The following FSTL1 variants were observed in gnomAD, a reference collection of about 807,000 sequenced individuals.
The protein encoded by FSTL1 is follistatin-related protein 1.
FSTL1 carries 24 observed loss-of-function variants against 45.9 expected under a neutral mutation model. The ratio of observed to expected loss-of-function variants is 0.52; its 90% CI spans 0.38 to 0.74. The LOEUF is 0.74. Among genes scored for constraint, FSTL1 ranks in the 30% least tolerant of loss-of-function variants. The probability of loss-of-function intolerance (pLI) is 0.00; values close to 1 mark genes in which losing one functional copy is unlikely to be tolerated. For missense variants in FSTL1, 340 were observed against 381.8 expected, an observed-to-expected ratio of 0.89 and a Z score of 0.91; for synonymous variants, 120 against 137.6, an observed-to-expected ratio of 0.87 and a Z score of 0.89.
chr3:120,441,948 G>A (rs879596076), intron 2 of FSTL1, among the ~76,000 whole-genome samples: 8 of 152,222 alleles, frequency 5.3e-5, no homozygotes, highest in Non-Finnish European at 1.0e-4. Flanking sequence ...TTCCAGGTCT[G>A]AGCGCTAAGC....
rs979753901 is a variant in FSTL1, at chr3:120,395,303, T to C, written c.*1649A>G. ...AGGATTTAATCTTTGGTATTCCAAA[T>C]GCATCTGAAACAGGGTAGTGAGTGG... On this transcript the variant is annotated 3_prime_UTR_variant, in exon 11 of 11. Coordinates refer to ENST00000295633, the MANE Select transcript of FSTL1 (RefSeq NM_007085.5). The C allele has an allele frequency of 2.4e-5, 5 of 204,450 alleles. No homozygotes were observed. Among genetic ancestry groups the C allele is most frequent in the Non-Finnish European group, 4.9e-5 (5 of 102,622 alleles). The allele number at this position is 204,450 out of a possible 1,614,324, so 12.7% of individuals were successfully genotyped here. A position where few individuals can be genotyped will look rare whatever the true frequency, so the allele number is the denominator to read the frequency against.
chr3:120,404,644 CA>C (rs1352874934), intron 7 of FSTL1, among the ~76,000 whole-genome samples: 1 of 152,148 alleles, frequency 6.6e-6, no homozygotes, highest in Non-Finnish European at 1.5e-5. Context: ...AAGTTCTGAC[CA>C]AAAACAATAA....
chr3:120,422,224 T>C (rs1937290216), intron 2 of FSTL1, among the ~76,000 whole-genome samples: 1 of 152,218 alleles, frequency 6.6e-6, no homozygotes, highest in Admixed American at 6.5e-5. Flanking sequence ...AAGTTTCGGT[T>C]ATGCAAGATG....
chr3:120,403,162 G>A, intron 8 of FSTL1, 80 bp downstream of exon 8: 1 of 853,736 alleles, frequency 1.2e-6, no homozygotes, highest in Non-Finnish European at 2.0e-6. Context: ...GCTCTGGAGA[G>A]TTCCACCAAT....
intron 2 of FSTL1, among the ~76,000 whole-genome samples, chr3:120,445,437 G>A (rs1311613113): frequency 6.7e-6 from 1 of 148,926 alleles, no homozygotes; most frequent in Non-Finnish European, 1.5e-5. Flanking sequence ...CCATCTTTGG[G>A]CAGAGAGTCA....
rs148864515 is a variant in FSTL1, at chr3:120,429,415, A to G, written c.64-13388T>C. Among the ~76,000 whole-genome samples, 1,456 of 152,362 alleles carry G rather than the reference A, an allele frequency of 9.6e-3. 26 individuals are homozygous for G. Among genetic ancestry groups the G allele is most frequent in the African/African-American group, 0.033 (1,359 of 41,584 alleles). ...CCAAATGGGGACATTTGAGAGTTAA[A>G]GGAAACCTTTTAAACAGACACACTT... On this transcript the variant is annotated intron_variant, in intron 2 of 10. Coordinates refer to ENST00000295633, the MANE Select transcript of FSTL1 (RefSeq NM_007085.5).
At chr3:120,399,381 T>C (rs551252234) in intron 10 of FSTL1, among the ~76,000 whole-genome samples, 1 of 152,364 alleles carries the variant, frequency 6.6e-6, no homozygotes, top group East Asian at 1.9e-4. Flanking sequence ...GGCTATTTTC[T>C]AGCCAGACTG....
intron 2 of FSTL1, among the ~76,000 whole-genome samples, chr3:120,449,026 A>T (rs911714799): frequency 1.3e-5 from 2 of 152,200 alleles, no homozygotes; most frequent in Admixed American, 6.5e-5. Context: ...GGGCCACAGC[A>T]GGGGATGGAG....
chr3:120,407,936 G>C (rs1036742482), intron 6 of FSTL1, among the ~76,000 whole-genome samples: 1 of 152,196 alleles, frequency 6.6e-6, no homozygotes, highest in Non-Finnish European at 1.5e-5. Flanking sequence ...GTGTTGAGGG[G>C]AATGTGGCAT....
intron 9 of FSTL1, among the ~76,000 whole-genome samples, chr3:120,401,010 T>C (rs1576206418): frequency 1.3e-5 from 2 of 152,344 alleles, no homozygotes; most frequent in African/African-American, 4.8e-5. Context: ...ATGCATGTGA[T>C]AGAGATTATT....
At chr3:120,416,603 T>C (rs765074349) in intron 2 of FSTL1, among the ~76,000 whole-genome samples, 2 of 152,190 alleles carry the variant, frequency 1.3e-5, no homozygotes, top group Non-Finnish European at 2.9e-5. Context: ...ACTATGACTA[T>C]CTGAAGGACC....
intron 2 of FSTL1, among the ~76,000 whole-genome samples, chr3:120,427,050 T>C (rs1352572939): frequency 1.3e-5 from 2 of 152,188 alleles, no homozygotes; most frequent in African/African-American, 2.4e-5. Flanking sequence ...AATGTCAGCA[T>C]GATGAGGAAT....
chr3:120,409,576 A>G lies in FSTL1; in HGVS notation c.418T>C (p.Ser140Pro). ...EAEIIPDGWFSKGSNYSEILD... is the reference protein window; with the variant it reads ...EAEIIPDGWFPKGSNYSEILD... The stretch of plus-strand genomic sequence containing the variant: ...ATTTCACTGTAGTTGCTGCCTTTAG[A>G]GAACCAGCCATCTGGAATGATCTCA... Residue 140 changes from serine (S) to proline (P), a missense_variant, in exon 6 of 11, where the codon TCT becomes CCT. Coordinates refer to ENST00000295633, the MANE Select transcript of FSTL1 (RefSeq NM_007085.5). The G allele has an allele frequency of 6.2e-7, 1 of 1,613,988 alleles. No homozygotes were observed.
intron 2 of FSTL1, among the ~76,000 whole-genome samples, chr3:120,445,124 C>T (rs1387900150): frequency 6.7e-6 from 1 of 149,644 alleles, no homozygotes; most frequent in Non-Finnish European, 1.5e-5. Context: ...GAATATCTAT[C>T]CATCCACAAA....
chr3:120,398,678 G>A (rs1284846858), intron 10 of FSTL1, among the ~76,000 whole-genome samples: 3 of 152,128 alleles, frequency 2.0e-5, no homozygotes, highest in African/African-American at 7.2e-5. Flanking sequence ...GTGTTTCCTG[G>A]CATTGCTTCC....
Position 120,393,645 on chromosome 3 carries a change from TTAATTTAATG to T in FSTL1, c.*3297_*3306del, listed in dbSNP as rs1192419513. 1 of 152,182 alleles carries T rather than the reference TTAATTTAATG, an allele frequency of 6.6e-6. No homozygotes were observed. Among genetic ancestry groups the T allele is most frequent in the Non-Finnish European group, 1.5e-5 (1 of 68,032 alleles). The allele number at this position is 152,182 out of a possible 1,614,324, so 9.4% of individuals were successfully genotyped here. ...ATCATATGGGGGATTTACGAGTCATTTAATTTAATGTCTTCCCAATACAGGAATGCACCTG... is the reference window on the plus strand; with the variant it reads ...ATCATATGGGGGATTTACGAGTCATTTCTTCCCAATACAGGAATGCACCTG... On this transcript the variant is annotated 3_prime_UTR_variant, in exon 11 of 11. Transcript: ENST00000295633.
intron 3 of FSTL1, among the ~76,000 whole-genome samples, chr3:120,412,838 G>GCGCACGCA (rs1429168694): frequency 1.9e-5 from 2 of 106,132 alleles, no homozygotes; most frequent in Admixed American, 1.8e-4. Context: ...GCGCGCGCGC[G>GCGCACGCA]CACACACACA....
rs760079187 is a variant in FSTL1 at position 120,399,946 on chromosome 3, C to T, written c.819G>A (p.Lys273=). Residue 273 remains lysine (K), a synonymous_variant, in exon 10 of 11, where the codon AAG becomes AAA. Coordinates refer to ENST00000295633, the MANE Select transcript of FSTL1 (RefSeq NM_007085.5). ...CCTCCTCTGTCTGGGTCTGGGCCCC[C>T]TTCTGATTCTTTCCTGCAAGAAGAA... The part of the protein sequence containing the change: ...TAMTCDGKNQ[K]GAQTQTEEEM... The T allele has an allele frequency of 1.9e-6, 3 of 1,606,988 alleles. No homozygotes were observed. Among genetic ancestry groups the T allele is most frequent in the South Asian group, 2.2e-5 (2 of 89,420 alleles).
chr3:120,421,066 C>T (rs1297332050), intron 2 of FSTL1: 2 of 152,096 alleles, frequency 1.3e-5, no homozygotes, highest in South Asian at 2.1e-4. Flanking sequence ...AGAATTAAGT[C>T]TGAACATAAA....
Sources: allele counts gnomAD v4.1 joint callset (sites outside exome capture counted in the v4.1 genomes callset), GRCh38; gene constraint gnomAD v4.1.1; transcripts MANE v1.5; gene names NCBI Gene and HGNC (gene_info 2026-07-23, HGNC 2026-07-21).